Variants in NKAIN2 observed in about 807,000 individuals in gnomAD.
NKAIN2 encodes the protein sodium/potassium transporting ATPase interacting 2, also known as sodium/potassium-transporting ATPase subunit beta-1-interacting protein 2.
In NKAIN2, 14 loss-of-function variants were observed where a neutral mutation model predicts 32.6. The ratio of observed to expected loss-of-function variants is 0.43; its 90% CI spans 0.28 to 0.67. The LOEUF (loss-of-function observed/expected upper bound fraction) is 0.67, where lower values mean the gene tolerates loss of function less well. NKAIN2 is among the 30% of genes least tolerant of loss of function. The pLI is 0.17. For missense variants in NKAIN2, 198 were observed against 258.3 expected (o/e 0.77, Z 1.60); for synonymous variants, 80 against 87.2 (o/e 0.92, Z 0.46).
At chr6:124,018,848 G>GT (rs1237650053) in intron 1 of NKAIN2, among the ~76,000 whole-genome samples, 2 of 152,106 alleles carry the variant, frequency 1.3e-5, no homozygotes, top group African/African-American at 4.8e-5. Flanking sequence ...ATTTTTGGGT[G>GT]TTTTTACAGC....
intron 4 of NKAIN2, among the ~76,000 whole-genome samples, chr6:124,782,340 A>T (rs933972335): frequency 6.6e-6 from 1 of 152,162 alleles, no homozygotes; most frequent in African/African-American, 2.4e-5. Context: ...TGCATTGTAT[A>T]TTCCACACTT....
intron 1 of NKAIN2, among the ~76,000 whole-genome samples, chr6:123,991,041 C>T (rs926580775): frequency 6.6e-6 from 1 of 152,050 alleles, no homozygotes; most frequent in African/African-American, 2.4e-5. Context: ...TAATTGATAT[C>T]CAGAATGCTT....
At chr6:124,593,162 A>AT (rs1215141227) in intron 3 of NKAIN2, among the ~76,000 whole-genome samples, 1 of 151,896 alleles carries the variant, frequency 6.6e-6, no homozygotes, top group Non-Finnish European at 1.5e-5. Flanking sequence ...ATTTACTCTA[A>AT]TGGGAATGCT....
intron 1 of NKAIN2, among the ~76,000 whole-genome samples, chr6:123,863,172 T>A (rs1404616400): frequency 6.6e-6 from 1 of 152,152 alleles, no homozygotes. Context: ...GGGGAAACAT[T>A]TATGTTGAAA....
At chr6:124,657,423 A>T (rs1272667752) in intron 3 of NKAIN2, among the ~76,000 whole-genome samples, 1 of 152,156 alleles carries the variant, frequency 6.6e-6, no homozygotes, top group African/African-American at 2.4e-5. Context: ...GGCATAGGTG[A>T]TTGCAAGCTC....
chr6:124,472,478 T>C (rs1168114704), intron 3 of NKAIN2, among the ~76,000 whole-genome samples: 1 of 151,998 alleles, frequency 6.6e-6, no homozygotes, highest in East Asian at 1.9e-4. Context: ...TTGTGGTAGG[T>C]ACACAGGCCT....
intron 3 of NKAIN2, among the ~76,000 whole-genome samples, chr6:124,542,569 A>G (rs1779950142): frequency 6.6e-6 from 1 of 152,180 alleles, no homozygotes; most frequent in Admixed American, 6.5e-5. Context: ...ACAACTGCCT[A>G]GGAAAAATTA....
At chr6:124,238,319 A>G (rs1792887392) in intron 1 of NKAIN2, among the ~76,000 whole-genome samples, 1 of 152,114 alleles carries the variant, frequency 6.6e-6, no homozygotes, top group African/African-American at 2.4e-5. Flanking sequence ...ATACTTTTTA[A>G]TGTTCTTGGC....
At chr6:124,518,184 A>G (rs1778986437) in intron 3 of NKAIN2, among the ~76,000 whole-genome samples, 1 of 151,834 alleles carries the variant, frequency 6.6e-6, no homozygotes, top group Non-Finnish European at 1.5e-5. Flanking sequence ...GCATGCGAAA[A>G]TTCTCTCTGC....
At chr6:124,692,807 G>T (rs534914758) in intron 4 of NKAIN2, among the ~76,000 whole-genome samples, 1 of 151,802 alleles carries the variant, frequency 6.6e-6, no homozygotes, top group Non-Finnish European at 1.5e-5. Flanking sequence ...ACAGAGCAAG[G>T]CTGTCTCAAA....
intron 3 of NKAIN2, among the ~76,000 whole-genome samples, chr6:124,444,582 T>C (rs1206941617): frequency 6.6e-6 from 1 of 152,072 alleles, no homozygotes; most frequent in Non-Finnish European, 1.5e-5. Flanking sequence ...TGTTTACTTT[T>C]GTTCAATTTT....
At chr6:124,333,854 C>T (rs907614220) in intron 2 of NKAIN2, among the ~76,000 whole-genome samples, 1 of 151,982 alleles carries the variant, frequency 6.6e-6, no homozygotes, top group Non-Finnish European at 1.5e-5. Context: ...GAAATGAAAT[C>T]AAAAGGATAT....
At chr6:124,078,224 G>C (rs1319239563) in intron 1 of NKAIN2, among the ~76,000 whole-genome samples, 1 of 152,108 alleles carries the variant, frequency 6.6e-6, no homozygotes, top group Admixed American at 6.6e-5. Context: ...TAGTGTTTCT[G>C]CATGAATGGA....
At chr6:124,165,490 ACAAT>A (rs1788485547) in intron 1 of NKAIN2, among the ~76,000 whole-genome samples, 1 of 152,064 alleles carries the variant, frequency 6.6e-6, no homozygotes, top group South Asian at 2.1e-4. Flanking sequence ...TCCAACTCTA[ACAAT>A]CAGTTTATGT....
chr6:124,637,653 A>G (rs1253117976), intron 3 of NKAIN2, among the ~76,000 whole-genome samples: 2 of 152,116 alleles, frequency 1.3e-5, no homozygotes, highest in African/African-American at 4.8e-5. Flanking sequence ...AATTATGAAC[A>G]CAATCCATTT....
chr6:124,421,250 A>G lies in NKAIN2; in HGVS notation c.273+65903A>G, dbSNP rs138090083. 5.0e-3 allele frequency among the ~76,000 whole-genome samples: 757 copies of G among 152,214 alleles called. 3 individuals carry two copies. The highest frequency in any genetic ancestry group is 0.017 in the African/African-American group (692 of 41,520). The stretch of plus-strand genomic sequence containing the variant: ...GGGACCCTCACTGTAACTGGTAACC[A>G]AAATCATGACCAAAAGAATATTAAC... On this transcript the variant is annotated intron_variant, in intron 3 of 6. Coordinates refer to ENST00000368417, the MANE Select transcript of NKAIN2 (RefSeq NM_001040214.3).
intron 3 of NKAIN2, among the ~76,000 whole-genome samples, chr6:124,371,792 C>A (rs1428435086): frequency 6.7e-6 from 1 of 148,764 alleles, no homozygotes; most frequent in Non-Finnish European, 1.5e-5. Context: ...GTAAAAAAAA[C>A]ACACTGTAAA....
At chr6:124,439,585 G>A (rs1007484673) in intron 3 of NKAIN2, among the ~76,000 whole-genome samples, 2 of 150,970 alleles carry the variant, frequency 1.3e-5, no homozygotes, top group Non-Finnish European at 2.9e-5. Context: ...TAGAAAATCC[G>A]AATTCTAACC....
chr6:124,432,223 T>C (rs1775248774), intron 3 of NKAIN2, among the ~76,000 whole-genome samples: 2 of 152,138 alleles, frequency 1.3e-5, no homozygotes, highest in South Asian at 4.1e-4. Context: ...ATTTCAAAGT[T>C]TAAAAGTTGA....
Sources: gnomAD v4.1 joint callset for allele counts (sites outside exome capture counted in the v4.1 genomes callset) on GRCh38, gnomAD v4.1.1 for gene constraint, MANE v1.5 for transcripts, NCBI Gene and HGNC (gene_info 2026-07-23, HGNC 2026-07-21) for gene names.